The following SETD5 variants were observed in gnomAD, a reference collection of about 807,000 sequenced individuals.
SETD5 encodes histone-lysine N-methyltransferase SETD5.
Under a neutral mutation model 153.3 loss-of-function variants are expected in SETD5, and 44 were observed. That is an observed-to-expected ratio of 0.29 (90% CI 0.23 to 0.37). SETD5 has a LOEUF of 0.37. Among genes scored for constraint, SETD5 ranks in the 10% least tolerant of loss-of-function variants. SETD5 has a pLI of 1.00. For synonymous variants in SETD5, 716 were observed against 645.2 expected (o/e 1.11, Z -1.66); for missense variants, 1,544 against 1,768.0 (o/e 0.87, Z 2.27).
At chr3:9,444,942 A>C in intron 11 of SETD5, 106 bp from the exon 12 acceptor site, 1 of 1,405,360 alleles carries the variant, frequency 7.1e-7, no homozygotes, top group Non-Finnish European at 9.7e-7. Flanking sequence ...ATTCAGAGAC[A>C]ATATCAGAGG....
At chr3:9,474,845 A>T in intron 21 of SETD5, 1 of 617,766 alleles carries the variant, frequency 1.6e-6, no homozygotes, top group Non-Finnish European at 2.8e-6. Flanking sequence ...ATCTACCTCG[A>T]TGAAGGATGA....
At chr3:9,458,801 T>C (rs2043571525) in intron 17 of SETD5, among the ~76,000 whole-genome samples, 1 of 152,136 alleles carries the variant, frequency 6.6e-6, no homozygotes, top group Non-Finnish European at 1.5e-5. Context: ...AACCTAGTAG[T>C]CGTTCATTTG....
intron 2 of SETD5, among the ~76,000 whole-genome samples, chr3:9,427,971 G>A (rs904467): frequency 0.19 from 28,351 of 152,000 alleles, 3,484 homozygotes; most frequent in Admixed American, 0.26. Flanking sequence ...TATCCTCACC[G>A]CTTTTTCATA....
At position 9,429,955 on chromosome 3, in the gene SETD5, T is replaced by C. The variant is rs1432014366; in HGVS notation, c.71+946T>C. 2.3e-6 allele frequency: 3 copies of C among 1,295,114 alleles called. No homozygotes were observed. The East Asian group carries it at 1.7e-4, about 74-fold the overall frequency. The allele number at this position is 1,295,114 out of a possible 1,614,324, so 80.2% of individuals were successfully genotyped here. ...CAGAAGCCAAGTCTATTCCAGGCAGTACCAGGGATTAGGGTCTGGGCTGGA... is the reference window on the plus strand; with the variant it reads ...CAGAAGCCAAGTCTATTCCAGGCAGCACCAGGGATTAGGGTCTGGGCTGGA... On this transcript the variant is annotated intron_variant, in intron 3 of 22. Coordinates refer to ENST00000402198, the MANE Select transcript of SETD5 (RefSeq NM_001080517.3).
intron 1 of SETD5, among the ~76,000 whole-genome samples, chr3:9,400,763 A>G (rs2034636491): frequency 6.6e-6 from 1 of 152,212 alleles, no homozygotes. Flanking sequence ...AGAAATATGC[A>G]GAAATCGAAT....
intron 19 of SETD5, among the ~76,000 whole-genome samples, chr3:9,472,688 TTCTCTCTCTCCC>T (rs760018070): frequency 1.3e-4 from 20 of 152,010 alleles, no homozygotes; most frequent in African/African-American, 4.6e-4. Context: ...TTGTTTTTCC[TTCTCTCTCTCCC>T]TCTCTCTCTC....
chr3:9,474,413 C>A, intron 20 of SETD5, 36 bp from the exon 21 acceptor site: 1 of 1,608,730 alleles, frequency 6.2e-7, no homozygotes, highest in South Asian at 1.1e-5. Flanking sequence ...TTGGTTAAGT[C>A]CTGTGGCTTG....
At chr3:9,398,203 C>T (rs577351816) in intron 1 of SETD5, 13 of 151,666 alleles carry the variant, frequency 8.6e-5, no homozygotes, top group African/African-American at 2.7e-4. Context: ...CTAGGCGACC[C>T]AACTCCCCCT....
At position 9,443,235 on chromosome 3, in the gene SETD5, G is replaced by C. The variant is rs560696047; in HGVS notation, c.1078-73G>C. ...TACCATAACTCCAAATGGAGAGAAA[G>C]TATGGTTTTTTTCTCTCTTACGGAA... On this transcript the variant is annotated intron_variant, in intron 10 of 22. Coordinates refer to ENST00000402198, the MANE Select transcript of SETD5 (RefSeq NM_001080517.3). 1.7e-4 allele frequency: 176 copies of C among 1,049,344 alleles called. No individual in the cohort carries two copies. In the African/African-American group the frequency reaches 2.5e-3, roughly 15 times the overall value. 65.0% of individuals were successfully genotyped at this position (1,049,344 alleles called of 1,614,324 possible).
At chr3:9,412,332 C>G (rs1248633057) in intron 1 of SETD5, among the ~76,000 whole-genome samples, 2 of 148,966 alleles carry the variant, frequency 1.3e-5, no homozygotes, top group African/African-American at 4.9e-5. Flanking sequence ...AAGTTATCTT[C>G]CCTTTTCCCC....
chr3:9,406,957 A>G (rs907536189), intron 1 of SETD5, among the ~76,000 whole-genome samples: 3 of 152,368 alleles, frequency 2.0e-5, no homozygotes, highest in African/African-American at 7.2e-5. Flanking sequence ...CATATTATGT[A>G]AGTGTACTAA....
At chr3:9,405,376 T>A (rs1018950228) in intron 1 of SETD5, among the ~76,000 whole-genome samples, 1 of 152,238 alleles carries the variant, frequency 6.6e-6, no homozygotes, top group African/African-American at 2.4e-5. Context: ...GACCTCTATG[T>A]ATGTTTACCC....
At chr3:9,446,469 G>A (rs2042022201) in intron 13 of SETD5, among the ~76,000 whole-genome samples, 1 of 150,896 alleles carries the variant, frequency 6.6e-6, no homozygotes, top group South Asian at 2.1e-4. Flanking sequence ...CCAATCCTGT[G>A]TGTTTATGAC....
rs371449450 is a variant in SETD5 at position 9,445,778 on chromosome 3, C to T, written c.1524+38C>T. On this transcript the variant is annotated intron_variant, in intron 13 of 22. Transcript: ENST00000402198. ...TGACATTACTTTGCTCCTTCTCATT[C>T]CTGCTACCTCCATCATGTGAACCTC... The T allele has an allele frequency of 2.1e-6, 3 of 1,430,562 alleles. No homozygotes were observed. In the South Asian group the frequency reaches 3.9e-5, roughly 19 times the overall value. 88.6% of individuals were successfully genotyped at this position (1,430,562 alleles called of 1,614,324 possible).
In SETD5 at chr3:9,475,634, A is replaced by C; in HGVS notation, c.3872A>C (p.Glu1291Ala). ...PGNPPSHGSS[E>A]SSLSSTSYSS... ...AACCCCCCCTCTCACGGTTCTTCAG[A>C]ATCATCCCTCTCTTCCACGTCCTAT... is the stretch of plus-strand genomic sequence containing the variant. The change falls in exon 23 of 23, where the codon GAA becomes GCA. Residue 1291 changes from glutamate to alanine, a missense_variant. Physicochemically the swap from Glu to Ala is moderately radical, Grantham distance 107. Around this residue, in one of 9 missense-constraint regions of SETD5, gnomAD observed 302 missense variants for 277.6 expected, o/e 1.09. Coordinates refer to ENST00000402198, the MANE Select transcript of SETD5 (RefSeq NM_001080517.3). 6.2e-7 allele frequency: 1 copy of C among 1,613,906 alleles called. No individual in the cohort carries two copies. Among genetic ancestry groups the C allele is most frequent in the South Asian group, 1.1e-5 (1 of 91,074 alleles).
At chr3:9,456,946 A>G (rs2043323090) in intron 17 of SETD5, among the ~76,000 whole-genome samples, 1 of 151,604 alleles carries the variant, frequency 6.6e-6, no homozygotes, top group Non-Finnish European at 1.5e-5. Flanking sequence ...ACTGCACTCC[A>G]GCCTGGCAAT....
rs773018813 is a variant in SETD5, at chr3:9,445,531, G to T, written c.1441-126G>T. Reference sequence around the variant, plus strand: ...TAGTTATCATCTGTGTTTACCATGTGGCCTCACATGAGTTAACAGTTTAAA... The same window carrying T: ...TAGTTATCATCTGTGTTTACCATGTTGCCTCACATGAGTTAACAGTTTAAA... On this transcript the variant is annotated intron_variant, in intron 12 of 22. Transcript: ENST00000402198. 27 of 892,730 alleles carry T rather than the reference G, an allele frequency of 3.0e-5. No homozygotes were observed. In the African/African-American group the frequency reaches 4.4e-4, roughly 15 times the overall value. The allele number at this position is 892,730 out of a possible 1,614,324, so 55.3% of individuals were successfully genotyped here.
intron 1 of SETD5, among the ~76,000 whole-genome samples, chr3:9,415,821 C>G (rs1436240183): frequency 1.3e-5 from 2 of 151,366 alleles, no homozygotes; most frequent in African/African-American, 4.9e-5. Context: ...AAGTCAGCCT[C>G]CCAAAGCGCT....
intron 16 of SETD5, among the ~76,000 whole-genome samples, chr3:9,450,067 G>A (rs1393421060): frequency 6.6e-6 from 1 of 152,170 alleles, no homozygotes; most frequent in Non-Finnish European, 1.5e-5. Flanking sequence ...CAGTCTTTCT[G>A]TTTCCATCTT....
Sources: allele counts gnomAD v4.1 joint callset (sites outside exome capture counted in the v4.1 genomes callset), GRCh38; gene constraint gnomAD v4.1.1; regional missense constraint gnomAD v4.1.1; transcripts MANE v1.5; gene names NCBI Gene and HGNC (gene_info 2026-07-23, HGNC 2026-07-21).